Variants in STAG1 observed in about 807,000 individuals in gnomAD.
The protein encoded by STAG1 is STAG1 cohesin complex component, also known as cohesin subunit SA-1.
STAG1 carries 26 observed loss-of-function variants against 170.9 expected under a neutral mutation model. That is an observed-to-expected ratio of 0.15 (90% CI 0.11 to 0.21). The LOEUF is 0.21. Among genes scored for constraint, STAG1 ranks in the 10% least tolerant of loss-of-function variants. STAG1 has a pLI of 1.00. For missense variants in STAG1, 964 were observed against 1,509.5 expected (o/e 0.64, Z 5.99); for synonymous variants, 514 against 497.7 (o/e 1.03, Z -0.44).
intron 22 of STAG1, among the ~76,000 whole-genome samples, chr3:136,381,737 A>G (rs1440992766): frequency 6.6e-6 from 1 of 152,194 alleles, no homozygotes; most frequent in Non-Finnish European, 1.5e-5. Flanking sequence ...AAAAGTAACT[A>G]AAAGAACAAA....
intron 1 of STAG1, among the ~76,000 whole-genome samples, chr3:136,653,864 C>T (rs1008402739): frequency 2.6e-5 from 4 of 152,142 alleles, no homozygotes; most frequent in African/African-American, 9.7e-5. Context: ...ATGTAATATA[C>T]CACATTAACA....
chr3:136,616,354 A>G (rs1353472686), intron 3 of STAG1, among the ~76,000 whole-genome samples: 1 of 152,164 alleles, frequency 6.6e-6, no homozygotes, highest in Non-Finnish European at 1.5e-5. Flanking sequence ...AAATGTAACA[A>G]TGACTCAGGT....
chr3:136,502,851 G>A (rs2107867477), intron 7 of STAG1, 72 bp from the exon 8 acceptor site: 4 of 1,192,372 alleles, frequency 3.4e-6, no homozygotes, highest in Non-Finnish European at 4.4e-6. Flanking sequence ...AATTTATAAA[G>A]CCAATGGATG....
At chr3:136,518,911 A>G (rs1411527318) in intron 7 of STAG1, among the ~76,000 whole-genome samples, 1 of 152,080 alleles carries the variant, frequency 6.6e-6, no homozygotes, top group African/African-American at 2.4e-5. Flanking sequence ...CAGAAAGGCA[A>G]TGGGGGGAGG....
chr3:136,437,692 AT>A (rs1421021254), intron 15 of STAG1, among the ~76,000 whole-genome samples: 3 of 152,196 alleles, frequency 2.0e-5, no homozygotes, highest in African/African-American at 7.2e-5. Flanking sequence ...AATATATATT[AT>A]TAACTATGGC....
At chr3:136,470,376 C>T (rs564669011) in intron 12 of STAG1, among the ~76,000 whole-genome samples, 8 of 152,300 alleles carry the variant, frequency 5.3e-5, no homozygotes, top group South Asian at 2.1e-4. Flanking sequence ...CCAACAGACA[C>T]GTGAAATAAT....
intron 9 of STAG1, among the ~76,000 whole-genome samples, chr3:136,491,127 A>G (rs924389150): frequency 6.6e-6 from 1 of 151,922 alleles, no homozygotes; most frequent in Non-Finnish European, 1.5e-5. Context: ...CTATGTATCT[A>G]TTTTTTTAGA....
chr3:136,501,731 G>A (rs751365683), intron 8 of STAG1, among the ~76,000 whole-genome samples: 5 of 152,070 alleles, frequency 3.3e-5, no homozygotes, highest in East Asian at 1.9e-4. Flanking sequence ...TCAAAACATC[G>A]TTGCTTTTTC....
At chr3:136,513,410 G>C (rs1289398200) in intron 7 of STAG1, among the ~76,000 whole-genome samples, 1 of 151,636 alleles carries the variant, frequency 6.6e-6, no homozygotes, top group Non-Finnish European at 1.5e-5. Context: ...AATGTAAAAG[G>C]ATACTCAAAA....
chr3:136,578,984 C>A (rs1476331509), intron 4 of STAG1, among the ~76,000 whole-genome samples: 1 of 152,208 alleles, frequency 6.6e-6, no homozygotes, highest in East Asian at 1.9e-4. Context: ...TAGAAGTAAA[C>A]ACTACATCCC....
intron 2 of STAG1, 85 bp from the exon 3 acceptor site, chr3:136,623,333 T>G (rs554457427): frequency 8.2e-7 from 1 of 1,224,622 alleles, no homozygotes; most frequent in South Asian, 1.3e-5. Context: ...ACCTGCTATA[T>G]GGCTGATTAG....
At chr3:136,359,069 A>T (rs1174218238) in intron 27 of STAG1, 79 bp downstream of exon 27, 2 of 1,165,038 alleles carry the variant, frequency 1.7e-6, no homozygotes, top group Non-Finnish European at 2.3e-6. Flanking sequence ...CGTCACTTTA[A>T]AAATGGGTCA....
chr3:136,662,936 A>G (rs769506694), intron 1 of STAG1, among the ~76,000 whole-genome samples: 11 of 152,146 alleles, frequency 7.2e-5, no homozygotes, highest in Non-Finnish European at 1.3e-4. Flanking sequence ...CTGTAATCCC[A>G]GCTACTTGGG....
At chr3:136,715,762 T>C (rs958796770) in intron 1 of STAG1, among the ~76,000 whole-genome samples, 1 of 151,960 alleles carries the variant, frequency 6.6e-6, no homozygotes, top group Non-Finnish European at 1.5e-5. Flanking sequence ...CAATAACTAC[T>C]GTAGTTTTTT....
At chr3:136,358,815 C>G (rs563319325) in intron 27 of STAG1, among the ~76,000 whole-genome samples, 33 of 152,158 alleles carry the variant, frequency 2.2e-4, no homozygotes, top group Non-Finnish European at 3.7e-4. Context: ...CCCAAATGAT[C>G]CTCCTGCTTT....
intron 1 of STAG1, among the ~76,000 whole-genome samples, chr3:136,656,303 G>A (rs1336884308): frequency 3.9e-5 from 6 of 152,050 alleles, no homozygotes; most frequent in Non-Finnish European, 7.4e-5. Flanking sequence ...TATTTAACGG[G>A]TATAGAGTTT....
chr3:136,374,107 G>A (rs1357798297), intron 23 of STAG1, among the ~76,000 whole-genome samples: 1 of 151,812 alleles, frequency 6.6e-6, no homozygotes, highest in Admixed American at 6.6e-5. Flanking sequence ...GGCCTTCTTT[G>A]TCCCTTTTGA....
At chr3:136,636,674 G>A (rs1940574690) in intron 1 of STAG1, among the ~76,000 whole-genome samples, 1 of 151,634 alleles carries the variant, frequency 6.6e-6, no homozygotes, top group African/African-American at 2.4e-5. Flanking sequence ...GCATACTTCT[G>A]GTCACAAAAA....
chr3:136,351,453 T>C (rs537260103), intron 28 of STAG1, among the ~76,000 whole-genome samples: 1 of 152,190 alleles, frequency 6.6e-6, no homozygotes, highest in South Asian at 2.1e-4. Flanking sequence ...GTGCTGGGAG[T>C]TGGGAAAGCT....
Sources: allele counts gnomAD v4.1 joint callset (sites outside exome capture counted in the v4.1 genomes callset), GRCh38; gene constraint gnomAD v4.1.1; transcripts MANE v1.5; gene names NCBI Gene and HGNC (gene_info 2026-07-23, HGNC 2026-07-21).